The following GLIS1 variants were observed in gnomAD, a reference collection of about 807,000 sequenced individuals.
The protein encoded by GLIS1 is GLIS family zinc finger 1.
A neutral mutation model predicts 63.8 loss-of-function variants in GLIS1; 24 were observed. That is an observed-to-expected ratio of 0.38 (90% confidence interval 0.27 to 0.53). GLIS1 has a LOEUF of 0.53. Ranked by LOEUF, GLIS1 falls within the 20% of genes least tolerant of loss-of-function variation. GLIS1 has a pLI of 0.85. For synonymous variants in GLIS1, 450 were observed against 482.5 expected, an observed-to-expected ratio of 0.93 and a Z score of 0.88; for missense variants, 1,036 against 1,074.1, an observed-to-expected ratio of 0.96 and a Z score of 0.50.
At chr1:53,717,040 A>ATGGCAT (rs1171804654) in intron 2 of GLIS1, among the ~76,000 whole-genome samples, 1 of 152,216 alleles carries the variant, frequency 6.6e-6, no homozygotes, top group African/African-American at 2.4e-5. Flanking sequence ...AGAAATCATC[A>ATGGCAT]TGGCATTGGA....
intron 2 of GLIS1, among the ~76,000 whole-genome samples, chr1:53,644,492 G>A (rs1645821218): frequency 6.6e-6 from 1 of 152,172 alleles, no homozygotes; most frequent in East Asian, 1.9e-4. Context: ...AAGAGGAGGT[G>A]ACTCATAAAT....
chr1:53,597,783 G>T (rs1022418575), intron 3 of GLIS1, among the ~76,000 whole-genome samples: 3 of 152,180 alleles, frequency 2.0e-5, no homozygotes, highest in African/African-American at 7.2e-5. Flanking sequence ...TTAATAGGGA[G>T]GGTGTGGGGG....
chr1:53,667,008 A>G (rs1416798139), intron 2 of GLIS1, among the ~76,000 whole-genome samples: 1 of 152,086 alleles, frequency 6.6e-6, no homozygotes, highest in Non-Finnish European at 1.5e-5. Flanking sequence ...TACTTCATTC[A>G]TTCATTCGTT....
intron 2 of GLIS1, among the ~76,000 whole-genome samples, chr1:53,699,336 T>C (rs1216163949): frequency 6.6e-6 from 1 of 152,178 alleles, no homozygotes; most frequent in Non-Finnish European, 1.5e-5. Context: ...AGTGCTGAGA[T>C]TACAGGCGTG....
At chr1:53,521,571 C>T (rs115011723) in intron 6 of GLIS1, among the ~76,000 whole-genome samples, 6 of 152,150 alleles carry the variant, frequency 3.9e-5, no homozygotes, top group South Asian at 2.1e-4. Context: ...CACAGAGTGA[C>T]GATGGCTGGG....
rs1293718060 is a variant in GLIS1 at position 53,514,705 on chromosome 1, G to C, written c.1803C>G (p.Ser601=). 6.2e-7 allele frequency: 1 copy of C among 1,613,822 alleles called. No homozygotes were observed. Among genetic ancestry groups the C allele is most frequent in the Middle Eastern group, 1.7e-4 (1 of 6,058 alleles). The change falls in exon 8 of 11, where the codon TCC becomes TCG. Residue 601 remains serine (S), a synonymous_variant. Transcript: ENST00000628545. Reference sequence around the variant, plus strand: ...TGGTGGCATCCAGCGGGTGGTGCCTGGAAGGTACGTCGTGCGCTGGGGGCA... The same window carrying C: ...TGGTGGCATCCAGCGGGTGGTGCCTCGAAGGTACGTCGTGCGCTGGGGGCA... ...GLLPPAHDVP[S]RHHPLDATTS...
chr1:53,720,591 C>T (rs1646744280), intron 2 of GLIS1, among the ~76,000 whole-genome samples: 1 of 152,010 alleles, frequency 6.6e-6, no homozygotes. Flanking sequence ...AGTAAAGTGA[C>T]TATAGTTAAC....
intron 2 of GLIS1, among the ~76,000 whole-genome samples, chr1:53,643,497 G>A (rs1398896648): frequency 6.6e-6 from 1 of 152,170 alleles, no homozygotes; most frequent in Admixed American, 6.5e-5. Flanking sequence ...CAAGCTATGT[G>A]TCCATCTGGG....
intron 10 of GLIS1, among the ~76,000 whole-genome samples, chr1:53,507,761 T>C (rs1024387418): frequency 6.6e-6 from 1 of 152,116 alleles, no homozygotes; most frequent in Non-Finnish European, 1.5e-5. Flanking sequence ...CTGGCCGGTG[T>C]AGGGCCGGGG....
Position 53,532,969 on chromosome 1 carries a change from T to C in GLIS1, c.1321-3017A>G, listed in dbSNP as rs77206559. On this transcript the variant is annotated intron_variant, in intron 4 of 10. Coordinates refer to ENST00000628545, the MANE Select transcript of GLIS1 (RefSeq NM_001367484.1). ...GATCTGCAGCTTGGTGTTCATGGTC[T>C]TCCAACATGGACCCAACTGCCTCTC... Among the ~76,000 whole-genome samples the C allele has an allele frequency of 7.3e-3, 1,119 of 152,342 alleles. 18 individuals are homozygous for C. Among genetic ancestry groups the C allele is most frequent in the African/African-American group, 0.026 (1,082 of 41,578 alleles).
chr1:53,720,769 T>C (rs899041897), intron 2 of GLIS1, among the ~76,000 whole-genome samples: 7 of 152,172 alleles, frequency 4.6e-5, no homozygotes, highest in Non-Finnish European at 8.8e-5. Flanking sequence ...AACTATTATG[T>C]ATCAATTTTA....
Position 53,526,233 on chromosome 1 carries a change from G to A in GLIS1, c.1483-1346C>T, listed in dbSNP as rs934953052. ...CGTGGAACTGCCCCCAGGACCTCAA[G>A]GCAGCTTTGCCCCTGCTGGACTAAG... On this transcript the variant is annotated intron_variant, in intron 5 of 10. Coordinates refer to ENST00000628545, the MANE Select transcript of GLIS1 (RefSeq NM_001367484.1). The surrounding 1 kb of genome is among the most constrained non-coding windows in gnomAD (Gnocchi z 4.4). 2.0e-5 allele frequency among the ~76,000 whole-genome samples: 3 copies of A among 152,080 alleles called. No individual in the cohort carries two copies. Among genetic ancestry groups the A allele is most frequent in the Non-Finnish European group, 4.4e-5 (3 of 68,010 alleles).
At chr1:53,603,301 G>A (rs1035251363) in intron 2 of GLIS1, among the ~76,000 whole-genome samples, 5 of 152,170 alleles carry the variant, frequency 3.3e-5, no homozygotes, top group African/African-American at 9.7e-5. Flanking sequence ...CAACTTTGCA[G>A]AGGGACACTG....
rs200798419 is a variant in GLIS1 at position 53,509,112 on chromosome 1, G to A, written c.2230+8C>T. On this transcript the variant is annotated splice_region_variant and intron_variant, in intron 10 of 10. Transcript: ENST00000628545. ...CCCAGGACTGGGAGCCACGCAGGCAGGGCTCACCTGTGGCAGGCAAGGGCG... is the reference window on the plus strand; with the variant it reads ...CCCAGGACTGGGAGCCACGCAGGCAAGGCTCACCTGTGGCAGGCAAGGGCG... The A allele has an allele frequency of 2.5e-4, 386 of 1,567,446 alleles. 5 individuals carry two copies. The African/African-American group carries it at 4.7e-3, about 19-fold the overall frequency.
At chr1:53,695,122 C>T (rs1031450684) in intron 2 of GLIS1, among the ~76,000 whole-genome samples, 2 of 149,930 alleles carry the variant, frequency 1.3e-5, no homozygotes, top group East Asian at 2.0e-4. Flanking sequence ...CCCTGCAGGC[C>T]GACTGTCAGC....
At chr1:53,538,012 CT>C (rs746990331) in intron 4 of GLIS1, among the ~76,000 whole-genome samples, 10 of 152,250 alleles carry the variant, frequency 6.6e-5, no homozygotes, top group Non-Finnish European at 1.3e-4. Flanking sequence ...GTTTGGCCAG[CT>C]TTAAAGGCCA....
At chr1:53,709,186 G>A (rs1646612764) in intron 2 of GLIS1, among the ~76,000 whole-genome samples, 1 of 151,938 alleles carries the variant, frequency 6.6e-6, no homozygotes, top group Non-Finnish European at 1.5e-5. Flanking sequence ...AGAGACGGAA[G>A]GGACTTTAAA....
chr1:53,595,562 C>T (rs113889595), intron 3 of GLIS1, among the ~76,000 whole-genome samples: 7 of 152,278 alleles, frequency 4.6e-5, no homozygotes, highest in African/African-American at 1.7e-4. Flanking sequence ...CCCCACCCAG[C>T]CCTGGATGCC....
intron 2 of GLIS1, among the ~76,000 whole-genome samples, chr1:53,709,103 T>A (rs988794261): frequency 2.0e-5 from 3 of 151,858 alleles, no homozygotes; most frequent in Non-Finnish European, 4.4e-5. Flanking sequence ...CAACAACTAT[T>A]TATTGAGTAT....
Sources: allele counts gnomAD v4.1 joint callset (sites outside exome capture counted in the v4.1 genomes callset), GRCh38; gene constraint gnomAD v4.1.1; non-coding constraint Gnocchi (gnomAD v3.1); transcripts MANE v1.5; gene names NCBI Gene and HGNC (gene_info 2026-07-23, HGNC 2026-07-21).